BNC2: variants seen among roughly 807,000 people sequenced by gnomAD.
The protein encoded by BNC2 is basonuclin zinc finger protein 2, also known as zinc finger protein basonuclin-2.
Under a neutral mutation model 76.3 loss-of-function variants are expected in BNC2, and 20 were observed. The ratio of observed to expected loss-of-function variants is 0.26; its 90% CI spans 0.18 to 0.38. The LOEUF (loss-of-function observed/expected upper bound fraction) is 0.38. BNC2 is among the 10% of genes least tolerant of loss of function. The pLI is 1.00. For synonymous variants in BNC2, 582 were observed against 514.8 expected (o/e 1.13, Z -1.77); for missense variants, 1,382 against 1,399.8 (o/e 0.99, Z 0.20).
At chr9:16,450,626 C>G (rs749580347) in intron 5 of BNC2, among the ~76,000 whole-genome samples, 11 of 152,304 alleles carry the variant, frequency 7.2e-5, no homozygotes, top group South Asian at 2.1e-4. Context: ...CAGGTTTGTA[C>G]AGAGAGGCTT....
chr9:16,583,142 T>A, intron 3 of BNC2, 57 bp from the exon 4 acceptor site: 2 of 1,360,610 alleles, frequency 1.5e-6, no homozygotes, highest in Non-Finnish European at 1.0e-6. Flanking sequence ...CTATACTCTT[T>A]TCACCATTTC....
chr9:16,862,420 G>GCACTTAGAAATTA (rs1819433280), intron 1 of BNC2, among the ~76,000 whole-genome samples: 1 of 152,106 alleles, frequency 6.6e-6, no homozygotes, highest in Non-Finnish European at 1.5e-5. Context: ...ATTTGGAAAG[G>GCACTTAGAAATTA]CACTTAGAAA....
chr9:16,436,769 A>G lies in BNC2; in HGVS notation c.1425T>C (p.Gly475=). The G allele has an allele frequency of 3.1e-6, 5 of 1,614,070 alleles. No homozygotes were observed. The highest frequency in any genetic ancestry group is 3.4e-6 in the Non-Finnish European group (4 of 1,179,994). The change falls in exon 6 of 7, where the codon GGT becomes GGC. Residue 475 remains glycine (G), a synonymous_variant. Transcript: ENST00000380672. ...GGAGGGAGCTAAAGACCATGTTGCA[A>G]CCTTCAATGGTGCATCGATGTTTGA... is the stretch of plus-strand genomic sequence containing the variant. ...LKIKHRCTIE[G]CNMVFSSLRS... is the part of the protein sequence containing the mutation.
chr9:16,552,706 A>G lies in BNC2; in HGVS notation c.493T>C (p.Ser165Pro). 6.2e-7 allele frequency: 1 copy of G among 1,614,166 alleles called. No homozygotes were observed. The highest frequency in any genetic ancestry group is 1.3e-5 in the African/African-American group (1 of 75,032). Residue 165 changes from serine to proline, a missense_variant, in exon 5 of 7, where the codon TCC (serine) becomes CCC (proline). Transcript: ENST00000380672. ...YHPTQVEIVQ[S>P]NVVFDISSLM... ...CTGCTGATGTCAAACACGACGTTGGACTGCACAATCTCCACTTGGGTGGGG... is the reference window on the plus strand; with the variant it reads ...CTGCTGATGTCAAACACGACGTTGGGCTGCACAATCTCCACTTGGGTGGGG...
chr9:16,697,386 C>T (rs909311604), intron 3 of BNC2, among the ~76,000 whole-genome samples: 3 of 151,496 alleles, frequency 2.0e-5, no homozygotes, highest in African/African-American at 7.3e-5. Context: ...TTAAAGAGGT[C>T]GTTCCTTGCC....
intron 2 of BNC2, among the ~76,000 whole-genome samples, chr9:16,733,117 G>C (rs994243649): frequency 1.3e-5 from 2 of 152,216 alleles, no homozygotes; most frequent in African/African-American, 4.8e-5. Context: ...AGTCACAGAA[G>C]TGGGGGAACC....
intron 3 of BNC2, among the ~76,000 whole-genome samples, chr9:16,697,477 T>C (rs1031362603): frequency 5.3e-5 from 8 of 152,124 alleles, no homozygotes; most frequent in Admixed American, 6.5e-5. Context: ...ATTCTAGCAC[T>C]TTGGGAGGCT....
intron 1 of BNC2, among the ~76,000 whole-genome samples, chr9:16,781,332 TTTATTA>T (rs901445205): frequency 6.6e-6 from 1 of 151,776 alleles, no homozygotes; most frequent in African/African-American, 2.4e-5. Context: ...AGGCTATAAC[TTTATTA>T]TTATTATTAT....
At chr9:16,440,817 T>C (rs146836055) in intron 5 of BNC2, among the ~76,000 whole-genome samples, 1,682 of 152,316 alleles carry the variant, frequency 0.011, 13 homozygotes, top group South Asian at 0.018. Flanking sequence ...TTGCTTCTGG[T>C]GAAAGAGATC....
intron 3 of BNC2, among the ~76,000 whole-genome samples, chr9:16,592,543 T>C (rs913237950): frequency 6.6e-6 from 1 of 152,090 alleles, no homozygotes; most frequent in Non-Finnish European, 1.5e-5. Context: ...AGGCTTAGGG[T>C]GACAGCTAAA....
chr9:16,486,844 G>C (rs1421062999), intron 5 of BNC2, among the ~76,000 whole-genome samples: 1 of 152,096 alleles, frequency 6.6e-6, no homozygotes, highest in African/African-American at 2.4e-5. Flanking sequence ...TCCTGCCTCA[G>C]CCTCCTGAGG....
chr9:16,586,524 C>T (rs1819775224), intron 3 of BNC2, among the ~76,000 whole-genome samples: 1 of 152,212 alleles, frequency 6.6e-6, no homozygotes, highest in Non-Finnish European at 1.5e-5. Flanking sequence ...TGTGATGCAG[C>T]TTGCTGCACT....
At chr9:16,821,457 C>A (rs1367090533) in intron 1 of BNC2, among the ~76,000 whole-genome samples, 1 of 152,120 alleles carries the variant, frequency 6.6e-6, no homozygotes, top group Non-Finnish European at 1.5e-5. Flanking sequence ...CAATGCAAGG[C>A]AATGATCCAG....
chr9:16,829,632 C>T (rs559764391), intron 1 of BNC2, among the ~76,000 whole-genome samples: 6 of 152,256 alleles, frequency 3.9e-5, no homozygotes, highest in Non-Finnish European at 5.9e-5. Context: ...TAGATCTATG[C>T]CCAGTGCTAA....
chr9:16,510,022 G>A (rs1822716565), intron 5 of BNC2, among the ~76,000 whole-genome samples: 1 of 152,142 alleles, frequency 6.6e-6, no homozygotes, highest in Admixed American at 6.5e-5. Flanking sequence ...CTAGCAAATG[G>A]CTAAAAGACC....
rs560962099 is a variant in BNC2, at chr9:16,777,835, G to A, written c.4-39350C>T. Among the ~76,000 whole-genome samples the A allele has an allele frequency of 2.0e-5, 3 of 152,230 alleles. No individual in the cohort carries two copies. In the South Asian group the frequency reaches 6.2e-4, roughly 32 times the overall value. ...CTAAATGTCCTCCCAAAGAGAAGTG[G>A]TGACAATAAGTATGGTACTCCCATA... On this transcript the variant is annotated intron_variant, in intron 1 of 6. Transcript: ENST00000380672.
In BNC2 at chr9:16,858,122, G is replaced by A. The variant is rs112356725; in HGVS notation, c.3+12524C>T. 8.3e-3 allele frequency among the ~76,000 whole-genome samples: 1,260 copies of A among 152,216 alleles called. 10 individuals carry two copies. Among genetic ancestry groups the A allele is most frequent in the Non-Finnish European group, 0.014 (921 of 68,022 alleles). ...AATTTTTAGTTTTATCTCTGTTGGT[G>A]TTTTTCTAGTCATGACGGGATGTCT... On this transcript the variant is annotated intron_variant, in intron 1 of 6. Coordinates refer to ENST00000380672, the MANE Select transcript of BNC2 (RefSeq NM_017637.6).
chr9:16,741,066 C>G (rs1407834200), intron 1 of BNC2, among the ~76,000 whole-genome samples: 3 of 151,976 alleles, frequency 2.0e-5, no homozygotes, highest in Non-Finnish European at 4.4e-5. Context: ...GCTACATGAA[C>G]AAAATAATCA....
At chr9:16,462,179 C>T (rs1234653575) in intron 5 of BNC2, among the ~76,000 whole-genome samples, 1 of 152,146 alleles carries the variant, frequency 6.6e-6, no homozygotes, top group South Asian at 2.1e-4. Flanking sequence ...TCCTCACTCA[C>T]GTTCTTTACT....
Sources: gnomAD v4.1 joint callset for allele counts (sites outside exome capture counted in the v4.1 genomes callset) on GRCh38, gnomAD v4.1.1 for gene constraint, MANE v1.5 for transcripts, NCBI Gene and HGNC (gene_info 2026-07-23, HGNC 2026-07-21) for gene names.